The following NAMPT variants were observed in gnomAD, a reference collection of about 807,000 sequenced individuals.
NAMPT encodes NAmPRTase.
In NAMPT, 7 loss-of-function variants were observed where a neutral mutation model predicts 58.7. The ratio of observed to expected loss-of-function variants is 0.12; its 90% CI spans 0.07 to 0.22. The LOEUF (loss-of-function observed/expected upper bound fraction) is 0.22. Among genes scored for constraint, NAMPT ranks in the 10% least tolerant of loss-of-function variants. The pLI is 1.00. For missense variants in NAMPT, 271 were observed against 567.9 expected (o/e 0.48, Z 5.31); for synonymous variants, 145 against 198.1 (o/e 0.73, Z 2.25).
At chr7:106,253,747 AAGC>A (rs1483374534) in intron 9 of NAMPT, 2 of 153,712 alleles carry the variant, frequency 1.3e-5, no homozygotes, top group Non-Finnish European at 2.9e-5. Flanking sequence ...GCAGTGGAAC[AAGC>A]AGCAACAAAT....
chr7:106,261,546 A>C (rs369460307), intron 8 of NAMPT, 42 bp downstream of exon 8: 2 of 1,406,458 alleles, frequency 1.4e-6, no homozygotes, highest in Admixed American at 4.1e-5. Context: ...AAACTTAATT[A>C]TAAGAAATGC....
At chr7:106,272,950 C>T (rs1334785828) in intron 3 of NAMPT, among the ~76,000 whole-genome samples, 3 of 152,222 alleles carry the variant, frequency 2.0e-5, no homozygotes, top group Admixed American at 6.5e-5. Context: ...CAAAACCAAA[C>T]TGTTGCTTCT....
At chr7:106,285,300 C>G (rs1792856226), upstream of NAMPT, 1 of 643,880 alleles carries the variant, frequency 1.6e-6, no homozygotes, top group Non-Finnish European at 2.0e-6. Context: ...AGCCCCGGCG[C>G]GTGACCCGGG....
upstream of NAMPT, chr7:106,285,435 C>T: frequency 1.5e-6 from 1 of 660,752 alleles, no homozygotes. Flanking sequence ...TCCGTCCTAC[C>T]CAGTCCTGGC....
At chr7:106,285,353 G>T, upstream of NAMPT, 1 of 432,432 alleles carries the variant, frequency 2.3e-6, no homozygotes, top group Non-Finnish European at 3.1e-6. Flanking sequence ...GCGGGAGGGC[G>T]GGGCCTGGAG....
At chr7:106,268,320 T>C (rs1455004448) in intron 6 of NAMPT, 144 bp downstream of exon 6, 6 of 718,722 alleles carry the variant, frequency 8.3e-6, no homozygotes, top group East Asian at 2.6e-5. Flanking sequence ...GTTTATACTT[T>C]TGTATAAATA....
chr7:106,263,684 AATC>A (rs201333821), intron 6 of NAMPT, 67 bp from the exon 7 acceptor site: 20,861 of 1,192,262 alleles, frequency 0.017, 246 homozygotes, highest in Non-Finnish European at 0.022. Flanking sequence ...AATCACCTTT[AATC>A]ATATCTCATG....
chr7:106,285,236 TG>T, upstream of NAMPT: 2 of 971,050 alleles, frequency 2.1e-6, no homozygotes, highest in Non-Finnish European at 2.5e-6. Flanking sequence ...GAGGACGTGA[TG>T]CACGCGCTCT....
chr7:106,270,729 A>G (rs985656643), intron 4 of NAMPT, among the ~76,000 whole-genome samples: 1 of 152,206 alleles, frequency 6.6e-6, no homozygotes, highest in Non-Finnish European at 1.5e-5. Flanking sequence ...AGTCCCAGCT[A>G]TCTGACCTGA....
chr7:106,261,394 T>TA (rs1792298071), intron 8 of NAMPT, 194 bp downstream of exon 8: 1 of 459,032 alleles, frequency 2.2e-6, no homozygotes, highest in African/African-American at 2.0e-5. Context: ...ACTGGAAGAG[T>TA]AAGTATGGCT....
At chr7:106,279,687 T>C (rs775911901) in intron 1 of NAMPT, among the ~76,000 whole-genome samples, 1 of 152,092 alleles carries the variant, frequency 6.6e-6, no homozygotes, top group Non-Finnish European at 1.5e-5. Flanking sequence ...CTTCAGACAC[T>C]GAGGATGAGA....
At chr7:106,280,137 T>TAAGAA (rs1383403604) in intron 1 of NAMPT, among the ~76,000 whole-genome samples, 9 of 152,134 alleles carry the variant, frequency 5.9e-5, no homozygotes, top group Admixed American at 1.3e-4. Context: ...TAGTGGTGGA[T>TAAGAA]AAGAATGGAT....
At chr7:106,282,234 G>T (rs1792779744) in intron 1 of NAMPT, among the ~76,000 whole-genome samples, 1 of 151,666 alleles carries the variant, frequency 6.6e-6, no homozygotes, top group African/African-American at 2.4e-5. Flanking sequence ...TTGAAAAAAA[G>T]CTGCCTTGAA....
intron 8 of NAMPT, among the ~76,000 whole-genome samples, chr7:106,254,876 T>C (rs1386654968): frequency 1.3e-5 from 2 of 152,192 alleles, no homozygotes; most frequent in Non-Finnish European, 2.9e-5. Flanking sequence ...ACACAAGCAA[T>C]GGGAGCCAAT....
chr7:106,270,548 C>A (rs1792512921), intron 4 of NAMPT, among the ~76,000 whole-genome samples: 1 of 152,094 alleles, frequency 6.6e-6, no homozygotes, highest in Non-Finnish European at 1.5e-5. Flanking sequence ...CTTTCTTATC[C>A]CTTGAGTCTG....
intron 7 of NAMPT, 101 bp from the exon 8 acceptor site, chr7:106,261,808 A>G: frequency 7.8e-7 from 1 of 1,283,398 alleles, no homozygotes. Flanking sequence ...TCGAGAATAT[A>G]AAAATTAACT....
intron 8 of NAMPT, among the ~76,000 whole-genome samples, chr7:106,257,896 T>G (rs544268912): frequency 1.1e-4 from 17 of 150,852 alleles, no homozygotes. Flanking sequence ...GGGGGAGGGG[T>G]GTGTGTGTGT....
chr7:106,272,424 T>C, intron 4 of NAMPT, 106 bp downstream of exon 4: 1 of 1,014,428 alleles, frequency 9.9e-7, no homozygotes, highest in Non-Finnish European at 1.4e-6. Flanking sequence ...GTTAAGTAAA[T>C]TATAGGAGAT....
At chr7:106,267,451 G>A (rs1402325921) in intron 6 of NAMPT, among the ~76,000 whole-genome samples, 3 of 152,072 alleles carry the variant, frequency 2.0e-5, no homozygotes, top group Non-Finnish European at 4.4e-5. Context: ...TTAGCACTCT[G>A]CAATTTTAAG....
Sources: allele counts gnomAD v4.1 joint callset (sites outside exome capture counted in the v4.1 genomes callset), GRCh38; gene constraint gnomAD v4.1.1; transcripts MANE v1.5; gene names NCBI Gene and HGNC (gene_info 2026-07-23, HGNC 2026-07-21).